Variants in WDPCP observed in about 807,000 individuals in gnomAD.
WDPCP encodes WD repeat-containing and planar cell polarity effector protein fritz homolog.
A neutral mutation model predicts 93.1 loss-of-function variants in WDPCP; 71 were observed. That is an observed-to-expected ratio of 0.76 (90% confidence interval 0.63 to 0.93). The LOEUF (loss-of-function observed/expected upper bound fraction) is 0.93, where lower values mean the gene tolerates loss of function less well. WDPCP is among the 40% of genes least tolerant of loss of function. The pLI is 0.00. For synonymous variants in WDPCP, 315 were observed against 315.0 expected (o/e 1.00, Z 0.00); for missense variants, 844 against 887.4 (o/e 0.95, Z 0.62).
intron 3 of WDPCP, among the ~76,000 whole-genome samples, chr2:63,621,195 T>C (rs985994285): frequency 1.3e-5 from 2 of 151,830 alleles, no homozygotes; most frequent in African/African-American, 4.8e-5. Flanking sequence ...ATGTAGAAGG[T>C]GGCTTCAGAC....
intron 14 of WDPCP, among the ~76,000 whole-genome samples, chr2:63,186,012 T>C (rs1298575446): frequency 2.6e-4 from 40 of 151,756 alleles, no homozygotes; most frequent in Admixed American, 2.6e-3. Context: ...CAGTAAAGGG[T>C]AGAAACACTG....
At chr2:63,368,086 A>G (rs1338145033) in intron 12 of WDPCP, among the ~76,000 whole-genome samples, 2 of 152,130 alleles carry the variant, frequency 1.3e-5, no homozygotes, top group Admixed American at 1.3e-4. Flanking sequence ...GAGAATAAGG[A>G]CCAGAATCTA....
At chr2:63,281,799 T>C (rs566044057) in intron 13 of WDPCP, among the ~76,000 whole-genome samples, 23 of 152,096 alleles carry the variant, frequency 1.5e-4, no homozygotes, top group African/African-American at 5.3e-4. Flanking sequence ...GTAAGAATGA[T>C]ACAATGGACT....
At chr2:63,622,259 C>T (rs1172005999) in intron 3 of WDPCP, 12 of 1,610,838 alleles carry the variant, frequency 7.4e-6, no homozygotes, top group South Asian at 5.5e-5. Flanking sequence ...CTGCCAGTGC[C>T]GTCTCCTCTG....
intron 2 of WDPCP, among the ~76,000 whole-genome samples, chr2:63,727,333 T>C (rs1325155869): frequency 6.6e-6 from 1 of 152,240 alleles, no homozygotes; most frequent in Non-Finnish European, 1.5e-5. Context: ...GCTCTGTCCA[T>C]GTATTGAATC....
chr2:63,773,621 C>G (rs897371373), intron 2 of WDPCP, among the ~76,000 whole-genome samples: 3 of 152,020 alleles, frequency 2.0e-5, no homozygotes, highest in Non-Finnish European at 4.4e-5. Context: ...CATAAAGATA[C>G]TTGTACAAGA....
intron 2 of WDPCP, among the ~76,000 whole-genome samples, chr2:63,744,174 C>T (rs1168883671): frequency 6.6e-6 from 1 of 152,074 alleles, no homozygotes; most frequent in East Asian, 1.9e-4. Context: ...GTTTTAGCTG[C>T]ATTGCACTTT....
intron 14 of WDPCP, among the ~76,000 whole-genome samples, chr2:63,234,998 A>C (rs2104592444): frequency 6.6e-6 from 1 of 152,320 alleles, no homozygotes; most frequent in East Asian, 1.9e-4. Context: ...TAAATAACTA[A>C]AATTAGAGCA....
intron 3 of WDPCP, among the ~76,000 whole-genome samples, chr2:63,645,681 GCTC>G (rs1430213694): frequency 1.3e-5 from 2 of 152,124 alleles, no homozygotes; most frequent in African/African-American, 4.8e-5. Flanking sequence ...ATATCTGGGT[GCTC>G]CAGTGTTGGG....
At chr2:63,537,587 C>T (rs987756711) in intron 1 of WDPCP, among the ~76,000 whole-genome samples, 2 of 152,144 alleles carry the variant, frequency 1.3e-5, no homozygotes, top group African/African-American at 4.8e-5. Context: ...AGACTCTTTG[C>T]CTTTTTACAT....
intron 3 of WDPCP, among the ~76,000 whole-genome samples, chr2:63,610,491 A>G (rs1056674203): frequency 3.9e-5 from 6 of 152,176 alleles, no homozygotes; most frequent in Non-Finnish European, 5.9e-5. Context: ...TAGAAAATCA[A>G]TGAAATGGTG....
intron 6 of WDPCP, among the ~76,000 whole-genome samples, chr2:63,469,969 A>C (rs1699599520): frequency 6.6e-6 from 1 of 152,232 alleles, no homozygotes. Context: ...AATGGCCACC[A>C]TCTTGTTACA....
intron 2 of WDPCP, among the ~76,000 whole-genome samples, chr2:63,657,500 C>T (rs778020468): frequency 5.9e-5 from 9 of 152,086 alleles, no homozygotes; most frequent in Non-Finnish European, 1.2e-4. Flanking sequence ...GTCACCGCGG[C>T]GCCCGGCCTC....
At chr2:63,614,361 C>T (rs1475762787) in intron 3 of WDPCP, among the ~76,000 whole-genome samples, 1 of 151,866 alleles carries the variant, frequency 6.6e-6, no homozygotes, top group East Asian at 1.9e-4. Flanking sequence ...CTTCAGAAGG[C>T]AAATGGCAAA....
intron 2 of WDPCP, among the ~76,000 whole-genome samples, chr2:63,722,171 C>T (rs1200065499): frequency 0.02 from 2,990 of 151,826 alleles, 30 homozygotes; most frequent in Admixed American, 0.048. Flanking sequence ...AAGTGAGGAG[C>T]GTCTCTGCCT....
intron 14 of WDPCP, among the ~76,000 whole-genome samples, chr2:63,223,552 G>T (rs1416744035): frequency 6.6e-6 from 1 of 152,126 alleles, no homozygotes; most frequent in Non-Finnish European, 1.5e-5. Flanking sequence ...CAGTAAGTGG[G>T]CAAGGATTGA....
chr2:63,661,934 T>A (rs1710231808), intron 2 of WDPCP, among the ~76,000 whole-genome samples: 1 of 152,130 alleles, frequency 6.6e-6, no homozygotes, highest in African/African-American at 2.4e-5. Flanking sequence ...AAGGTATATA[T>A]GTTGTGCATA....
intron 12 of WDPCP, among the ~76,000 whole-genome samples, chr2:63,336,256 G>A (rs1424573955): frequency 1.3e-5 from 2 of 152,094 alleles, no homozygotes; most frequent in African/African-American, 4.8e-5. Context: ...GTAACATAAT[G>A]GTTTTTATGT....
chr2:63,687,918 G>A (rs538525755), intron 2 of WDPCP, among the ~76,000 whole-genome samples: 4 of 152,168 alleles, frequency 2.6e-5, no homozygotes, highest in East Asian at 1.9e-4. Flanking sequence ...CACAATAGCC[G>A]AGATTTTGGA....
Sources: allele counts gnomAD v4.1 joint callset (sites outside exome capture counted in the v4.1 genomes callset), GRCh38; gene constraint gnomAD v4.1.1; transcripts MANE v1.5; gene names NCBI Gene and HGNC (gene_info 2026-07-23, HGNC 2026-07-21).